TUBA4A: variants seen among roughly 807,000 people sequenced by gnomAD.
TUBA4A encodes tubulin alpha-4A chain.
A neutral mutation model predicts 34.3 loss-of-function variants in TUBA4A; 23 were observed. That is an observed-to-expected ratio of 0.67 (90% CI 0.48 to 0.95). The LOEUF (loss-of-function observed/expected upper bound fraction) is 0.95, where lower values mean the gene tolerates loss of function less well. TUBA4A is among the 40% of genes least tolerant of loss of function. The pLI, the probability that TUBA4A is intolerant of heterozygous loss-of-function variation, is 0.00. For missense variants in TUBA4A, 279 were observed against 599.0 expected (o/e 0.47, Z 5.58); for synonymous variants, 216 against 230.5 (o/e 0.94, Z 0.57).
chr2:219,254,178 C>T (rs1951696497), upstream of TUBA4A: 8 of 302,626 alleles, frequency 2.6e-5, no homozygotes, highest in Non-Finnish European at 4.9e-5. Context: ...CTCCCGAGGG[C>T]CTCCGCGGAG....
chr2:219,253,300 G>T, intron 1 of TUBA4A: 1 of 1,514,872 alleles, frequency 6.6e-7, no homozygotes, highest in Non-Finnish European at 8.8e-7. Flanking sequence ...CGCTTCAGGA[G>T]GCCGAACCCC....
upstream of TUBA4A, chr2:219,254,072 C>A: frequency 2.2e-6 from 1 of 451,872 alleles, no homozygotes; most frequent in Non-Finnish European, 4.0e-6. Context: ...GTACCCTCCC[C>A]AAGCTGCGCG....
At position 219,253,895 on chromosome 2, in the gene TUBA4A, G is replaced by T. The variant is rs1951690731; in HGVS notation, c.-37C>A. ...GCGGTGCGTCTCACGTTGAGTCGGG[G>T]TGACAGGTCTCAGTGAGAACTGCGC... On this transcript the variant is annotated 5_prime_UTR_variant, in exon 1 of 4. Transcript: ENST00000248437. 7.0e-7 allele frequency: 1 copy of T among 1,425,614 alleles called. No individual in the cohort carries two copies. The highest frequency in any genetic ancestry group is 9.2e-7 in the Non-Finnish European group (1 of 1,088,126). 88.3% of individuals were successfully genotyped at this position (1,425,614 alleles called of 1,614,324 possible). A position where few individuals can be genotyped will look rare whatever the true frequency, so the allele number is the denominator to read the frequency against.
chr2:219,253,537 G>A (rs1951684014), intron 1 of TUBA4A: 2 of 890,790 alleles, frequency 2.2e-6, no homozygotes, highest in Non-Finnish European at 3.6e-6. Context: ...CGGAAAGGAC[G>A]GGGCGCGGGC....
At chr2:219,253,236 G>A in intron 1 of TUBA4A, 1 of 1,493,598 alleles carries the variant, frequency 6.7e-7, no homozygotes, top group Non-Finnish European at 8.9e-7. Flanking sequence ...AGTGCTCAGC[G>A]CCAGCTGTCT....
chr2:219,254,084 G>A (rs1176470966), upstream of TUBA4A: 2 of 444,420 alleles, frequency 4.5e-6, no homozygotes, highest in South Asian at 1.1e-4. Context: ...AGCTGCGCGG[G>A]GGTCCCTCAC....
chr2:219,252,824 T>C lies in TUBA4A; in HGVS notation c.4-594A>G. On this transcript the variant is annotated intron_variant, in intron 1 of 3. Transcript: ENST00000248437. The surrounding 1 kb of genome is among the most constrained non-coding windows in gnomAD (Gnocchi z 4.1). ...GCCCGCACGGAAATAGCGGCGGTAA[T>C]GCTTGTAAGCTCAGACAGCAGGGGC... The C allele has an allele frequency of 2.1e-6, 1 of 471,880 alleles. No individual in the cohort carries two copies. 29.2% of individuals were successfully genotyped at this position (471,880 alleles called of 1,614,324 possible). A position where few individuals can be genotyped will look rare whatever the true frequency, so the allele number is the denominator to read the frequency against.
rs149475041 is a variant in TUBA4A, at chr2:219,250,850, G to A, written c.849C>T (p.His283=). 6.1e-5 allele frequency: 98 copies of A among 1,614,048 alleles called. No homozygotes were observed. The highest frequency in any genetic ancestry group is 7.5e-5 in the Non-Finnish European group (88 of 1,180,042). The change falls in exon 4 of 4, where the codon CAC becomes CAT. Residue 283 remains histidine (H), a synonymous_variant. Transcript: ENST00000248437. This position sits in a 1 kb window ranked among gnomAD's most constrained non-coding sequence, Gnocchi z 8.4. ...TGATCTCTGCCACCGACAGCTGCTC[G>A]TGGTATGCCTTTTCTGCAGAGATGA... is the stretch of plus-strand genomic sequence containing the variant. ...APVISAEKAY[H]EQLSVAEITN...
intron 1 of TUBA4A, chr2:219,253,514 C>G: frequency 9.4e-7 from 1 of 1,060,546 alleles, no homozygotes; most frequent in East Asian, 2.6e-5. Context: ...CCAAACCCGT[C>G]TTCTTTTGCC....
At position 219,252,461 on chromosome 2, in the gene TUBA4A, T is replaced by A. The variant is rs1951663767; in HGVS notation, c.4-231A>T. Reference sequence around the variant, plus strand: ...GCAGGCCAACCTCTTAGCCCACTTCTCAGTGGGGAATCTGTCAAGTGAGCA... The same window carrying A: ...GCAGGCCAACCTCTTAGCCCACTTCACAGTGGGGAATCTGTCAAGTGAGCA... On this transcript the variant is annotated intron_variant, in intron 1 of 3. Coordinates refer to ENST00000248437, the MANE Select transcript of TUBA4A (RefSeq NM_006000.3). The surrounding 1 kb of genome is among the most constrained non-coding windows in gnomAD (Gnocchi z 4.1). Among the ~76,000 whole-genome samples the A allele has an allele frequency of 6.6e-6, 1 of 152,048 alleles. No homozygotes were observed. Among genetic ancestry groups the A allele is most frequent in the Non-Finnish European group, 1.5e-5 (1 of 67,994 alleles).
upstream of TUBA4A, chr2:219,253,934 G>T: frequency 6.6e-6 from 7 of 1,057,706 alleles, no homozygotes; most frequent in Non-Finnish European, 8.7e-6. Flanking sequence ...CTGCAGTGCC[G>T]CACCGCCCTT....
At position 219,252,518 on chromosome 2, in the gene TUBA4A, AGGTATG is replaced by A. The variant is rs1304487226; in HGVS notation, c.4-294_4-289del. On this transcript the variant is annotated intron_variant, in intron 1 of 3. Transcript: ENST00000248437. The surrounding 1 kb of genome is among the most constrained non-coding windows in gnomAD (Gnocchi z 4.1). ...CTCCACATGACAAAAGGTTTCCTAGAGGTATGGGTTTACAGCTAGAGGCCCCCCCCC... is the reference window on the plus strand; with the variant it reads ...CTCCACATGACAAAAGGTTTCCTAGAGGTTTACAGCTAGAGGCCCCCCCCC... Among the ~76,000 whole-genome samples the A allele has an allele frequency of 1.3e-5, 2 of 151,248 alleles. No individual in the cohort carries two copies. Among genetic ancestry groups the A allele is most frequent in the Non-Finnish European group, 1.5e-5 (1 of 67,906 alleles).
At chr2:219,253,354 CGG>C (rs60456844) in intron 1 of TUBA4A, 5 of 1,302,368 alleles carry the variant, frequency 3.8e-6, no homozygotes, top group African/African-American at 3.0e-5. Context: ...TGCTGAGTCA[CGG>C]GGGGGGGGTG....
chr2:219,250,129 C>T lies in TUBA4A; in HGVS notation c.*223G>A. The T allele has an allele frequency of 1.5e-6, 1 of 669,306 alleles. No individual in the cohort carries two copies. Among genetic ancestry groups the T allele is most frequent in the Non-Finnish European group, 2.6e-6 (1 of 391,348 alleles). The allele number at this position is 669,306 out of a possible 1,614,324, so 41.5% of individuals were successfully genotyped here. On this transcript the variant is annotated 3_prime_UTR_variant, in exon 4 of 4. Coordinates refer to ENST00000248437, the MANE Select transcript of TUBA4A (RefSeq NM_006000.3). This position sits in a 1 kb window ranked among gnomAD's most constrained non-coding sequence, Gnocchi z 8.4. Reference sequence around the variant, plus strand: ...TAACCCTAGGACTTCAATTTAAAGTCCCTGGGGTTATGCTTCCTGGGCCTG... The same window carrying T: ...TAACCCTAGGACTTCAATTTAAAGTTCCTGGGGTTATGCTTCCTGGGCCTG...
In TUBA4A at chr2:219,251,869, A is replaced by G. The variant is rs772204214; in HGVS notation, c.226+139T>C. ...GACCAGCTGCCCAGGCCAGTCTCAG[A>G]TCAGCTTGCCTTCTGCAGCTTCAAG... On this transcript the variant is annotated intron_variant, in intron 2 of 3. Transcript: ENST00000248437. This position sits in a 1 kb window ranked among gnomAD's most constrained non-coding sequence, Gnocchi z 6.1. The G allele has an allele frequency of 8.0e-5, 107 of 1,344,408 alleles. No individual in the cohort carries two copies. Among genetic ancestry groups the G allele is most frequent in the Non-Finnish European group, 9.9e-5 (97 of 977,858 alleles). The allele number at this position is 1,344,408 out of a possible 1,614,324, so 83.3% of individuals were successfully genotyped here.
chr2:219,252,100 C>G lies in TUBA4A; in HGVS notation c.134G>C (p.Gly45Ala), dbSNP rs745889662. ...GAAGAAGGTGGTGAAGGAGTCGTCCCCTCCACCAATGGTCTTGTCACTGGG... is the reference window on the plus strand; with the variant it reads ...GAAGAAGGTGGTGAAGGAGTCGTCCGCTCCACCAATGGTCTTGTCACTGGG... ...QMPSDKTIGG[G>A]DDSFTTFFCE... The change falls in exon 2 of 4, where the codon GGG becomes GCG. Residue 45 changes from glycine to alanine, a missense_variant. Physicochemically the swap from Gly to Ala is moderately conservative, Grantham distance 60. Coordinates refer to ENST00000248437, the MANE Select transcript of TUBA4A (RefSeq NM_006000.3). This position sits in a 1 kb window ranked among gnomAD's most constrained non-coding sequence, Gnocchi z 4.1. 1.9e-6 allele frequency: 3 copies of G among 1,614,172 alleles called. No homozygotes were observed. The highest frequency in any genetic ancestry group is 1.3e-5 in the African/African-American group (1 of 75,036).
intron 1 of TUBA4A, 26 bp downstream of exon 1, chr2:219,253,830 C>T (rs753837141): frequency 1.3e-6 from 2 of 1,521,198 alleles, no homozygotes; most frequent in Middle Eastern, 1.7e-4. Flanking sequence ...AGGGGACAGG[C>T]GCGACCCCGG....
chr2:219,253,839 G>C lies in TUBA4A; in HGVS notation c.3+17C>G. On this transcript the variant is annotated intron_variant, in intron 1 of 3. Coordinates refer to ENST00000248437, the MANE Select transcript of TUBA4A (RefSeq NM_006000.3). Reference sequence around the variant, plus strand: ...GCAATTAGGGGACAGGCGCGACCCCGGCCGGGCCGCACTCACCATGGTGAG... The same window carrying C: ...GCAATTAGGGGACAGGCGCGACCCCCGCCGGGCCGCACTCACCATGGTGAG... 6.6e-7 allele frequency: 1 copy of C among 1,513,030 alleles called. No homozygotes were observed. The highest frequency in any genetic ancestry group is 1.3e-5 in the South Asian group (1 of 76,624). The allele number at this position is 1,513,030 out of a possible 1,614,324, so 93.7% of individuals were successfully genotyped here.
rs1951646511 is a variant in TUBA4A at position 219,251,496 on chromosome 2, C to A, written c.375+69G>T. On this transcript the variant is annotated intron_variant, in intron 3 of 3. Coordinates refer to ENST00000248437, the MANE Select transcript of TUBA4A (RefSeq NM_006000.3). The surrounding 1 kb of genome is among the most constrained non-coding windows in gnomAD (Gnocchi z 6.1). ...GTTAGAGATGACCTCCTGAAAGGAT[C>A]TGAAAAAAAATATTCCTGACCATTA... The A allele has an allele frequency of 1.9e-6, 3 of 1,569,608 alleles. No homozygotes were observed. Among genetic ancestry groups the A allele is most frequent in the African/African-American group, 2.7e-5 (2 of 73,860 alleles).
Sources: gnomAD v4.1 joint callset for allele counts (sites outside exome capture counted in the v4.1 genomes callset) on GRCh38, gnomAD v4.1.1 for gene constraint, Gnocchi (gnomAD v3.1) non-coding constraint, MANE v1.5 for transcripts, NCBI Gene and HGNC (gene_info 2026-07-23, HGNC 2026-07-21) for gene names.